Variants in TTLL13 observed in about 807,000 individuals in gnomAD.
TTLL13 encodes tubulin tyrosine ligase like 13.
At chr15:90,253,301 G>A in the TTLL13 span, 2 of 1,613,854 alleles carry the variant, frequency 1.2e-6, no homozygotes, top group Non-Finnish European at 1.7e-6. Context: ...AGGATGAAGA[G>A]TGGACTCTGT....
At chr15:90,262,174 C>A in the TTLL13 span, 8 of 1,534,416 alleles carry the variant, frequency 5.2e-6, no homozygotes. Flanking sequence ...CTTCCAAGGC[C>A]AGAGAGGAGT....
chr15:90,265,416 G>T, the TTLL13 span: 1 of 1,279,272 alleles, frequency 7.8e-7, no homozygotes, highest in Non-Finnish European at 9.9e-7. Context: ...GGCAGCCGCT[G>T]GGGCGGAGGG....
At chr15:90,255,650 C>T in the TTLL13 span, 1 of 1,531,314 alleles carries the variant, frequency 6.5e-7, no homozygotes, top group Non-Finnish European at 9.0e-7. Context: ...TCCACTGTGA[C>T]TTCTCCCTTA....
the TTLL13 span, chr15:90,262,171 G>A: frequency 1.3e-6 from 2 of 1,534,696 alleles, no homozygotes; most frequent in Admixed American, 2.0e-5. Flanking sequence ...CTGCTTCCAA[G>A]GCCAGAGAGG....
the TTLL13 span, chr15:90,262,010 G>C: frequency 1.3e-6 from 2 of 1,532,258 alleles, no homozygotes; most frequent in Non-Finnish European, 1.7e-6. Flanking sequence ...CCACAGGAAA[G>C]AAAAAACTGA....
At chr15:90,263,652 G>C in the TTLL13 span, 4 of 605,018 alleles carry the variant, frequency 6.6e-6, no homozygotes, top group South Asian at 5.9e-5. Flanking sequence ...CCGCGGCCTA[G>C]AAGAGATTTT....
the TTLL13 span, chr15:90,264,652 G>T: frequency 2.0e-6 from 3 of 1,501,714 alleles, no homozygotes; most frequent in Non-Finnish European, 2.7e-6. Context: ...TTGGGCCACA[G>T]TTGGGAAAGA....
At chr15:90,258,112 A>G in the TTLL13 span, 1 of 1,614,204 alleles carries the variant, frequency 6.2e-7, no homozygotes, top group South Asian at 1.1e-5. Flanking sequence ...GACATCGAGG[A>G]CATCATCATC....
chr15:90,253,152 CTCGGG>C, the TTLL13 span: 3 of 824,422 alleles, frequency 3.6e-6, no homozygotes, highest in South Asian at 4.1e-5. Flanking sequence ...TCAACCTGCC[CTCGGG>C]TCAGGTGTAT....
At chr15:90,263,654 A>C in the TTLL13 span, 1 of 605,108 alleles carries the variant, frequency 1.7e-6, no homozygotes, top group Non-Finnish European at 2.9e-6. Flanking sequence ...GCGGCCTAGA[A>C]GAGATTTTTT....
At chr15:90,257,989 G>C in the TTLL13 span, 7 of 1,566,100 alleles carry the variant, frequency 4.5e-6, no homozygotes, top group Non-Finnish European at 6.1e-6. Flanking sequence ...CCTACAGCCT[G>C]GCCCAGTGGC....
At chr15:90,257,915 C>A in the TTLL13 span, 2 of 1,030,590 alleles carry the variant, frequency 1.9e-6, no homozygotes, top group Non-Finnish European at 2.9e-6. Flanking sequence ...GTCCCTGCTC[C>A]AAACTGCTAG....
the TTLL13 span, chr15:90,263,733 C>A: frequency 2.9e-6 from 2 of 680,480 alleles, no homozygotes; most frequent in Non-Finnish European, 5.4e-6. Context: ...CTGCTCTTCT[C>A]CTCTAGCCTA....
At chr15:90,265,320 G>T in the TTLL13 span, 6 of 1,206,298 alleles carry the variant, frequency 5.0e-6, no homozygotes, top group African/African-American at 9.6e-5. Context: ...CAGAGAAGCC[G>T]AGTGCCCAAG....
the TTLL13 span, among the ~76,000 whole-genome samples, chr15:90,256,598 TTTCTTTCTTTCC>T: frequency 0.014 from 441 of 31,002 alleles, no homozygotes; most frequent in Non-Finnish European, 0.021. Context: ...TCTTTCTTTC[TTTCTTTCTTTCC>T]TTCCTTCCTT....
At chr15:90,251,126 T>G in the TTLL13 span, among the ~76,000 whole-genome samples, 1 of 142,634 alleles carries the variant, frequency 7.0e-6, no homozygotes, top group Admixed American at 7.2e-5. Flanking sequence ...TTTTTTTTTT[T>G]TTTTTGAGAC....
the TTLL13 span, chr15:90,259,023 A>G: frequency 6.3e-7 from 1 of 1,594,862 alleles, no homozygotes; most frequent in Non-Finnish European, 8.6e-7. Flanking sequence ...CTGATTTGCT[A>G]TCAAAAACAA....
chr15:90,253,162 G>C, the TTLL13 span: 1 of 1,043,650 alleles, frequency 9.6e-7, no homozygotes, highest in Non-Finnish European at 1.5e-6. Flanking sequence ...CTCGGGTCAG[G>C]TGTATACCTT....
the TTLL13 span, chr15:90,265,420 C>T: frequency 7.8e-7 from 1 of 1,280,124 alleles, no homozygotes; most frequent in African/African-American, 1.6e-5. Context: ...GCCGCTGGGG[C>T]GGAGGGACGG....
Sources: gnomAD v4.1 joint callset for allele counts (sites outside exome capture counted in the v4.1 genomes callset) on GRCh38, gnomAD v4.1.1 for gene constraint, MANE v1.5 for transcripts, NCBI Gene and HGNC (gene_info 2026-07-23, HGNC 2026-07-21) for gene names.